The following CACNA2D1 variants were observed in gnomAD, a reference collection of about 807,000 sequenced individuals.
The protein encoded by CACNA2D1 is calcium voltage-gated channel auxiliary subunit alpha2delta 1, also known as voltage-dependent calcium channel subunit alpha-2/delta-1.
Under a neutral mutation model 171.5 loss-of-function variants are expected in CACNA2D1, and 53 were observed. The observed-to-expected ratio is 0.31, with a 90% CI of 0.25 to 0.39. The LOEUF (loss-of-function observed/expected upper bound fraction) is 0.39. Ranked by LOEUF, CACNA2D1 falls within the 10% of genes least tolerant of loss-of-function variation. The probability of loss-of-function intolerance (pLI) is 1.00; values close to 1 mark genes in which losing one functional copy is unlikely to be tolerated. For missense variants in CACNA2D1, 903 were observed against 1,299.8 expected, an observed-to-expected ratio of 0.69 and a Z score of 4.69; for synonymous variants, 442 against 443.1, an observed-to-expected ratio of 1.00 and a Z score of 0.03.
chr7:82,353,113 G>A (rs1820040004), intron 1 of CACNA2D1, among the ~76,000 whole-genome samples: 1 of 152,134 alleles, frequency 6.6e-6, no homozygotes, highest in Non-Finnish European at 1.5e-5. Context: ...AAATCACAAA[G>A]ACAAAGTCTA....
chr7:82,335,692 G>C (rs1451954628), intron 2 of CACNA2D1, among the ~76,000 whole-genome samples: 2 of 152,154 alleles, frequency 1.3e-5, no homozygotes, highest in Admixed American at 6.5e-5. Flanking sequence ...CGGAGAGAGA[G>C]AGAATACATA....
intron 1 of CACNA2D1, among the ~76,000 whole-genome samples, chr7:82,361,420 A>G (rs1821066436): frequency 6.6e-6 from 1 of 152,202 alleles, no homozygotes; most frequent in African/African-American, 2.4e-5. Flanking sequence ...CCATTAGTGC[A>G]AAGTTTATAT....
chr7:81,976,798 G>T lies in CACNA2D1; in HGVS notation c.1956-2246C>A, dbSNP rs139360945. 3.2e-3 allele frequency among the ~76,000 whole-genome samples: 490 copies of T among 152,284 alleles called. 3 individuals carry two copies. Among genetic ancestry groups the T allele is most frequent in the African/African-American group, 0.011 (471 of 41,566 alleles). ...GAACCCAGAAGGTGGAGGTTGCAGC[G>T]AGCAGAGATCATGCCATTACACTCC... On this transcript the variant is annotated intron_variant, in intron 24 of 38. Coordinates refer to ENST00000356860, the MANE Select transcript of CACNA2D1 (RefSeq NM_000722.4).
intron 3 of CACNA2D1, among the ~76,000 whole-genome samples, chr7:82,332,257 T>C (rs889862263): frequency 2.0e-5 from 3 of 152,074 alleles, no homozygotes; most frequent in African/African-American, 7.2e-5. Flanking sequence ...ACACGGGGTT[T>C]CACCCTGTTG....
At chr7:81,971,732 T>G in intron 26 of CACNA2D1, 45 bp downstream of exon 26, 6 of 1,080,278 alleles carry the variant, frequency 5.6e-6, no homozygotes, top group Non-Finnish European at 8.6e-6. Flanking sequence ...GAAACTAAAT[T>G]GAAATGCAGA....
chr7:81,953,744 G>A (rs1792880870), intron 38 of CACNA2D1, among the ~76,000 whole-genome samples: 1 of 151,936 alleles, frequency 6.6e-6, no homozygotes, highest in African/African-American at 2.4e-5. Flanking sequence ...CCCCAGTTAT[G>A]ATTAAGTGTT....
intron 1 of CACNA2D1, among the ~76,000 whole-genome samples, chr7:82,401,373 G>C (rs1238201078): frequency 5.3e-5 from 8 of 149,696 alleles, no homozygotes; most frequent in Admixed American, 5.3e-4. Context: ...ATACTATGCA[G>C]CCATAAAAAA....
intron 3 of CACNA2D1, among the ~76,000 whole-genome samples, chr7:82,229,793 G>A (rs1382309001): frequency 1.3e-5 from 2 of 151,808 alleles, no homozygotes; most frequent in African/African-American, 4.8e-5. Flanking sequence ...CCCTCCCAAA[G>A]TGCTGGGATT....
At position 82,287,262 on chromosome 7, in the gene CACNA2D1, CT is replaced by C. The variant is rs60221780; in HGVS notation, c.294+47872del. On this transcript the variant is annotated intron_variant, in intron 3 of 38. Transcript: ENST00000356860. The stretch of plus-strand genomic sequence containing the variant: ...AGACTTTTGGCTTCTTCTTTTCTTT[CT>C]TTTTTTTTTTAATACACTAGAGTCC... 1.7e-3 allele frequency among the ~76,000 whole-genome samples: 244 copies of C among 147,238 alleles called. No homozygotes were observed. In the Middle Eastern group the frequency reaches 0.029, roughly 17 times the overall value.
chr7:82,405,103 T>C (rs1826869154), intron 1 of CACNA2D1, among the ~76,000 whole-genome samples: 1 of 152,196 alleles, frequency 6.6e-6, no homozygotes, highest in Non-Finnish European at 1.5e-5. Flanking sequence ...ATTCTCTTTA[T>C]CATTTTTAAA....
At chr7:82,303,346 C>G (rs566242363) in intron 3 of CACNA2D1, among the ~76,000 whole-genome samples, 9 of 151,336 alleles carry the variant, frequency 5.9e-5, no homozygotes, top group Non-Finnish European at 1.3e-4. Flanking sequence ...ATTATCAAGA[C>G]AACTATATTA....
intron 1 of CACNA2D1, among the ~76,000 whole-genome samples, chr7:82,435,766 C>A (rs566269541): frequency 1.3e-5 from 2 of 151,692 alleles, no homozygotes; most frequent in Non-Finnish European, 2.9e-5. Context: ...ATTTAAAAAT[C>A]TCAACAGCAA....
intron 3 of CACNA2D1, among the ~76,000 whole-genome samples, chr7:82,199,823 G>A (rs4732437): frequency 6.6e-6 from 1 of 151,956 alleles, no homozygotes; most frequent in African/African-American, 2.4e-5. Flanking sequence ...GAAACATGAA[G>A]GTACATCATT....
chr7:82,363,015 G>A (rs1181556078), intron 1 of CACNA2D1, among the ~76,000 whole-genome samples: 1 of 151,966 alleles, frequency 6.6e-6, no homozygotes, highest in Non-Finnish European at 1.5e-5. Context: ...TGAATTGTCA[G>A]GCAACCCCCT....
Position 82,032,837 on chromosome 7 carries a change from C to G in CACNA2D1, c.1103G>C (p.Arg368Thr). ...IMLFTDGGEE[R>T]AQEIFNKYNK... ...GTATTTGTTAAATATCTCCTGGGCTCTCTCTTCTCCTCCATCCGTGAATAG... is the reference window on the plus strand; with the variant it reads ...GTATTTGTTAAATATCTCCTGGGCTGTCTCTTCTCCTCCATCCGTGAATAG... Residue 368 changes from arginine to threonine, a missense_variant, in exon 12 of 39, where the codon AGA becomes ACA. Around this residue, in one of 5 missense-constraint regions of CACNA2D1, gnomAD observed 623 missense variants for 925.5 expected, o/e 0.67. Coordinates refer to ENST00000356860, the MANE Select transcript of CACNA2D1 (RefSeq NM_000722.4). 6.3e-7 allele frequency: 1 copy of G among 1,597,314 alleles called. No individual in the cohort carries two copies. The highest frequency in any genetic ancestry group is 1.7e-5 in the Admixed American group (1 of 59,876).
At chr7:82,185,101 T>C (rs1007598811) in intron 3 of CACNA2D1, among the ~76,000 whole-genome samples, 1 of 152,148 alleles carries the variant, frequency 6.6e-6, no homozygotes, top group Admixed American at 6.5e-5. Context: ...ATCACGTAAG[T>C]AGGAGACAAA....
At chr7:82,005,282 T>A (rs565854225) in intron 18 of CACNA2D1, 141 bp downstream of exon 18, 1 of 668,344 alleles carries the variant, frequency 1.5e-6, no homozygotes, top group Non-Finnish European at 2.7e-6. Context: ...GTGGTCCTTG[T>A]CATCTAAGAA....
intron 6 of CACNA2D1, among the ~76,000 whole-genome samples, chr7:82,098,076 G>C (rs935692625): frequency 6.6e-6 from 1 of 152,096 alleles, no homozygotes; most frequent in Non-Finnish European, 1.5e-5. Context: ...GTTGCAATGA[G>C]CCGAGATTGC....
intron 1 of CACNA2D1, among the ~76,000 whole-genome samples, chr7:82,442,711 G>A (rs929278166): frequency 3.3e-5 from 5 of 152,186 alleles, no homozygotes; most frequent in African/African-American, 9.7e-5. Flanking sequence ...GGGACCGCGT[G>A]TCTGCCGACA....
Sources: gnomAD v4.1 joint callset for allele counts (sites outside exome capture counted in the v4.1 genomes callset) on GRCh38, gnomAD v4.1.1 for gene constraint, gnomAD v4.1.1 regional missense constraint, MANE v1.5 for transcripts, NCBI Gene and HGNC (gene_info 2026-07-23, HGNC 2026-07-21) for gene names.